Variants in TRPM7 observed in about 807,000 individuals in gnomAD.
The protein encoded by TRPM7 is transient receptor potential cation channel subfamily M member 7, also known as LTRPC ion channel family member 7.
TRPM7 carries 134 observed loss-of-function variants against 229.7 expected under a neutral mutation model. The observed-to-expected ratio is 0.58, with a 90% CI of 0.51 to 0.67. The LOEUF is 0.67. TRPM7 is among the 30% of genes least tolerant of loss of function. The pLI is 0.00. For missense variants in TRPM7, 1,901 were observed against 2,210.0 expected (o/e 0.86, Z 2.80); for synonymous variants, 699 against 715.2 (o/e 0.98, Z 0.36).
chr15:50,679,530 A>AT (rs1437316049), intron 1 of TRPM7, among the ~76,000 whole-genome samples: 5 of 44,804 alleles, frequency 1.1e-4, no homozygotes, highest in African/African-American at 4.2e-4. Context: ...ATATATATAT[A>AT]TATATATATT....
intron 37 of TRPM7, 43 bp downstream of exon 37, chr15:50,570,061 A>T (rs754650152): frequency 1.4e-5 from 23 of 1,592,998 alleles, no homozygotes; most frequent in Non-Finnish European, 2.0e-5. Flanking sequence ...TACAAATATA[A>T]AATGTGAAAT....
In TRPM7 at chr15:50,644,912, G is replaced by GT. The variant is rs990546019; in HGVS notation, c.322-1360dup. ...ATACTTTGGTTTTTGGTTTTGTTTT[G>GT]TTTTTTTTAGACACGGTCAGGCTCT... On this transcript the variant is annotated intron_variant, in intron 4 of 38. Coordinates refer to ENST00000646667, the MANE Select transcript of TRPM7 (RefSeq NM_017672.6). 2.4e-4 allele frequency among the ~76,000 whole-genome samples: 36 copies of GT among 147,784 alleles called. No individual in the cohort carries two copies. The Middle Eastern group carries it at 0.017, about 72-fold the overall frequency.
chr15:50,622,867 C>G (rs1346953459), intron 12 of TRPM7, among the ~76,000 whole-genome samples: 1 of 151,562 alleles, frequency 6.6e-6, no homozygotes, highest in Admixed American at 6.6e-5. Context: ...GCTTGGGCAA[C>G]AGAGTGAGAT....
At chr15:50,589,140 G>A (rs1455859918) in intron 27 of TRPM7, among the ~76,000 whole-genome samples, 1 of 152,048 alleles carries the variant, frequency 6.6e-6, no homozygotes, top group African/African-American at 2.4e-5. Flanking sequence ...TGGACAACAT[G>A]GTAAAACCTC....
intron 13 of TRPM7, among the ~76,000 whole-genome samples, chr15:50,616,762 C>T (rs540483619): frequency 6.6e-6 from 1 of 151,852 alleles, no homozygotes; most frequent in Non-Finnish European, 1.5e-5. Context: ...CTTGCTGCAA[C>T]CTCCGCTTCC....
rs891000366 is a variant in TRPM7, at chr15:50,567,404, T to C, written c.5467+2483A>G. On this transcript the variant is annotated intron_variant, in intron 38 of 38. Coordinates refer to ENST00000646667, the MANE Select transcript of TRPM7 (RefSeq NM_017672.6). ...AAGATGGTTTGACTGGAAAATCCTA[T>C]CAAACATTCATGGTAGGGACAATAT... Among the ~76,000 whole-genome samples, 3 of 152,198 alleles carry C rather than the reference T, an allele frequency of 2.0e-5. No homozygotes were observed. The East Asian group carries it at 5.8e-4, about 29-fold the overall frequency.
At chr15:50,661,732 G>A (rs1398449368) in intron 2 of TRPM7, among the ~76,000 whole-genome samples, 1 of 152,300 alleles carries the variant, frequency 6.6e-6, no homozygotes, top group Non-Finnish European at 1.5e-5. Flanking sequence ...GAAAGTTGCA[G>A]AGAAGGTAAA....
intron 10 of TRPM7, among the ~76,000 whole-genome samples, chr15:50,628,801 A>T (rs1360912846): frequency 2.0e-5 from 3 of 152,244 alleles, no homozygotes; most frequent in African/African-American, 7.2e-5. Context: ...AACAAAGATG[A>T]ACTGTTTCTA....
intron 7 of TRPM7, among the ~76,000 whole-genome samples, chr15:50,636,404 T>C (rs1174149308): frequency 2.6e-5 from 4 of 152,142 alleles, no homozygotes; most frequent in Non-Finnish European, 5.9e-5. Flanking sequence ...CTGGTCAGTC[T>C]GGTCTAGAAT....
chr15:50,589,701 C>T (rs769801233), intron 26 of TRPM7, 45 bp from the exon 27 acceptor site: 1 of 1,351,672 alleles, frequency 7.4e-7, no homozygotes, highest in Non-Finnish European at 1.0e-6. Flanking sequence ...TTTTATTTTT[C>T]TTCACCGAAA....
chr15:50,634,334 TAA>T (rs1399929454), intron 8 of TRPM7, 46 bp downstream of exon 8: 1 of 1,248,906 alleles, frequency 8.0e-7, no homozygotes, highest in Non-Finnish European at 1.0e-6. Flanking sequence ...CAAAAATAAA[TAA>T]ATAAATAAAT....
intron 13 of TRPM7, among the ~76,000 whole-genome samples, chr15:50,618,123 T>C (rs2060279910): frequency 6.6e-6 from 1 of 152,154 alleles, no homozygotes; most frequent in South Asian, 2.1e-4. Context: ...ATACCAATAA[T>C]ATAAATGGCT....
intron 1 of TRPM7, among the ~76,000 whole-genome samples, chr15:50,671,181 C>A (rs12101792): frequency 0.02 from 3,084 of 152,136 alleles, 122 homozygotes; most frequent in African/African-American, 0.071. Flanking sequence ...ATTTTGCATC[C>A]TTTGACCAAC....
intron 12 of TRPM7, among the ~76,000 whole-genome samples, chr15:50,623,709 G>C (rs1035037207): frequency 6.6e-6 from 1 of 151,240 alleles, no homozygotes; most frequent in Admixed American, 6.6e-5. Context: ...AGAATAGTAA[G>C]TTTTCAGGAG....
intron 6 of TRPM7, 87 bp from the exon 7 acceptor site, chr15:50,637,680 G>A (rs946838282): frequency 7.7e-6 from 9 of 1,162,682 alleles, no homozygotes; most frequent in Non-Finnish European, 1.1e-5. Flanking sequence ...GTAAAGACAA[G>A]TAAGAAGTAA....
intron 1 of TRPM7, among the ~76,000 whole-genome samples, chr15:50,680,672 A>C (rs1453905239): frequency 6.6e-6 from 1 of 152,176 alleles, no homozygotes; most frequent in East Asian, 1.9e-4. Context: ...AGGTTTCATT[A>C]TCATTTGAAG....
At chr15:50,588,173 A>G (rs900918726) in intron 27 of TRPM7, 30 of 975,244 alleles carry the variant, frequency 3.1e-5, no homozygotes, top group Middle Eastern at 5.2e-4. Context: ...ACTTCTGCAT[A>G]TACTAAAGAG....
At chr15:50,615,001 C>G (rs12908572) in intron 13 of TRPM7, among the ~76,000 whole-genome samples, 12,078 of 151,686 alleles carry the variant, frequency 0.08, 576 homozygotes, top group South Asian at 0.12. Flanking sequence ...GAAACCCCGT[C>G]TCTACTAAAA....
Position 50,574,942 on chromosome 15 carries a change from A to T in TRPM7, c.4929T>A (p.His1643Gln). 6.2e-7 allele frequency: 1 copy of T among 1,614,106 alleles called. No homozygotes were observed. Among genetic ancestry groups the T allele is most frequent in the Non-Finnish European group, 8.5e-7 (1 of 1,179,956 alleles). ...GAAGAAAAGATTTGATAATATAAAGATGCCCTGATTTGAGGATATCATGTT... is the reference window on the plus strand; with the variant it reads ...GAAGAAAAGATTTGATAATATAAAGTTGCCCTGATTTGAGGATATCATGTT... ...WSEHDILKSGHLYIIKSFLPE... is the reference protein window; with the variant it reads ...WSEHDILKSGQLYIIKSFLPE... The change falls in exon 34 of 39, where the codon CAT (histidine) becomes CAA (glutamine). Residue 1643 changes from histidine (H) to glutamine (Q), a missense_variant. Around this residue, in one of 8 missense-constraint regions of TRPM7, gnomAD observed 257 missense variants for 352.0 expected, o/e 0.73. Coordinates refer to ENST00000646667, the MANE Select transcript of TRPM7 (RefSeq NM_017672.6).
Sources: gnomAD v4.1 joint callset for allele counts (sites outside exome capture counted in the v4.1 genomes callset) on GRCh38, gnomAD v4.1.1 for gene constraint, gnomAD v4.1.1 regional missense constraint, MANE v1.5 for transcripts, NCBI Gene and HGNC (gene_info 2026-07-23, HGNC 2026-07-21) for gene names.